SUZ12: variants seen among roughly 807,000 people sequenced by gnomAD.
SUZ12 encodes the protein polycomb protein SUZ12.
SUZ12 carries 17 observed loss-of-function variants against 87.3 expected under a neutral mutation model. The ratio of observed to expected loss-of-function variants is 0.19; its 90% CI spans 0.13 to 0.29. The LOEUF (loss-of-function observed/expected upper bound fraction) is 0.29, where lower values mean the gene tolerates loss of function less well. Among genes scored for constraint, SUZ12 ranks in the 10% least tolerant of loss-of-function variants. The pLI, the probability that SUZ12 is intolerant of heterozygous loss-of-function variation, is 1.00. For synonymous variants in SUZ12, 253 were observed against 312.4 expected (o/e 0.81, Z 2.01); for missense variants, 526 against 912.2 (o/e 0.58, Z 5.45).
At chr17:31,997,813 T>C (rs1314971047) in intron 15 of SUZ12, among the ~76,000 whole-genome samples, 2 of 152,174 alleles carry the variant, frequency 1.3e-5, no homozygotes, top group Admixed American at 6.5e-5. Flanking sequence ...TCCTGAAAAT[T>C]ACCACAGTTA....
At chr17:31,955,624 T>C (rs1907271100) in intron 4 of SUZ12, among the ~76,000 whole-genome samples, 1 of 152,120 alleles carries the variant, frequency 6.6e-6, no homozygotes, top group South Asian at 2.1e-4. Flanking sequence ...GTCGTGCACC[T>C]GTAATCCCAG....
chr17:31,979,938 A>T (rs1182762870), intron 8 of SUZ12, among the ~76,000 whole-genome samples: 1 of 151,986 alleles, frequency 6.6e-6, no homozygotes, highest in East Asian at 1.9e-4. Flanking sequence ...TTGCATTTTT[A>T]TATAAAGAAG....
At position 31,981,036 on chromosome 17, in the gene SUZ12, A is replaced by C. The variant is rs561544232; in HGVS notation, c.918-1963A>C. Among the ~76,000 whole-genome samples, 27 of 152,098 alleles carry C rather than the reference A, an allele frequency of 1.8e-4. No individual in the cohort carries two copies. The East Asian group carries it at 2.9e-3, about 16-fold the overall frequency. ...GACACAGCGACTGTCAAAAAAAAAA[A>C]CCAAAAAATCCAGTTAATTCCTTGA... On this transcript the variant is annotated intron_variant, in intron 8 of 15. Coordinates refer to ENST00000322652, the MANE Select transcript of SUZ12 (RefSeq NM_015355.4).
intron 5 of SUZ12, among the ~76,000 whole-genome samples, chr17:31,971,464 G>A (rs1056927816): frequency 9.2e-6 from 1 of 108,328 alleles, no homozygotes; most frequent in African/African-American, 3.5e-5. Context: ...TTTCGCTCTT[G>A]TTGCCCAGGC....
At chr17:31,996,925 CT>C (rs757466655) in intron 15 of SUZ12, 48 bp downstream of exon 15, 1 of 1,145,862 alleles carries the variant, frequency 8.7e-7, no homozygotes, top group Admixed American at 3.5e-5. Flanking sequence ...TCTTTATGGT[CT>C]TTTGCTGTTT....
chr17:31,968,194 CA>C (rs1389007571), intron 5 of SUZ12, among the ~76,000 whole-genome samples: 1 of 152,120 alleles, frequency 6.6e-6, no homozygotes, highest in Non-Finnish European at 1.5e-5. Flanking sequence ...ACAACCTTGC[CA>C]ATTGGCCAAT....
intron 5 of SUZ12, chr17:31,966,901 G>A (rs1018932159): frequency 6.6e-5 from 10 of 152,270 alleles, no homozygotes; most frequent in African/African-American, 2.4e-4. Context: ...GGAAAAATAC[G>A]GCCAGGCGCA....
chr17:31,980,107 T>G (rs1271973808), intron 8 of SUZ12, among the ~76,000 whole-genome samples: 1 of 151,902 alleles, frequency 6.6e-6, no homozygotes, highest in African/African-American at 2.4e-5. Flanking sequence ...GAAGACTATT[T>G]GAGCCCAGGA....
intron 4 of SUZ12, among the ~76,000 whole-genome samples, chr17:31,948,075 C>T (rs1906737542): frequency 1.3e-5 from 2 of 152,106 alleles, no homozygotes; most frequent in South Asian, 4.1e-4. Context: ...GTAAGTTATT[C>T]TCAAATATGA....
chr17:31,990,596 G>C (rs1909671272), intron 10 of SUZ12, among the ~76,000 whole-genome samples: 1 of 151,750 alleles, frequency 6.6e-6, no homozygotes, highest in Non-Finnish European at 1.5e-5. Context: ...AACTACTGAT[G>C]TCAGGAGATC....
intron 10 of SUZ12, among the ~76,000 whole-genome samples, chr17:31,990,076 T>A (rs1168325643): frequency 6.7e-6 from 1 of 148,460 alleles, no homozygotes; most frequent in Non-Finnish European, 1.5e-5. Context: ...TGCCTCAGCC[T>A]CCCGAGTAGC....
intron 3 of SUZ12, among the ~76,000 whole-genome samples, chr17:31,944,867 G>T (rs1397876098): frequency 6.6e-6 from 1 of 152,010 alleles, no homozygotes; most frequent in African/African-American, 2.4e-5. Flanking sequence ...GAGAGTTATA[G>T]GTCAGCCCTG....
Position 31,937,114 on chromosome 17 carries a change from C to CCTCTCCTCCCCT in SUZ12, c.-123_-112dup. On this transcript the variant is annotated 5_prime_UTR_variant, in exon 1 of 16. Coordinates refer to ENST00000322652, the MANE Select transcript of SUZ12 (RefSeq NM_015355.4). ...CTCCTCTCCTCCTCCCTTCCCTTCC[C>CCTCTCCTCCCCT]CTCTCCTCCCCTCTCTCCTCCTTCC... 4.1e-6 allele frequency: 3 copies of CCTCTCCTCCCCT among 739,898 alleles called. No homozygotes were observed. Among genetic ancestry groups the CCTCTCCTCCCCT allele is most frequent in the Non-Finnish European group, 5.8e-6 (3 of 513,270 alleles). 45.8% of individuals were successfully genotyped at this position (739,898 alleles called of 1,614,324 possible).
At chr17:31,972,389 A>G (rs866479226) in intron 5 of SUZ12, among the ~76,000 whole-genome samples, 115 of 144,160 alleles carry the variant, frequency 8.0e-4, no homozygotes, top group South Asian at 4.0e-3. Flanking sequence ...GTGTGTATAT[A>G]TATATATATA....
chr17:31,976,439 C>A (rs912228798), intron 7 of SUZ12, 82 bp from the exon 8 acceptor site: 55 of 1,098,120 alleles, frequency 5.0e-5, no homozygotes, highest in Non-Finnish European at 6.2e-5. Flanking sequence ...ATAAATGTAG[C>A]ATGTTTTATG....
chr17:31,987,805 G>A (rs993713271), intron 9 of SUZ12, among the ~76,000 whole-genome samples: 1 of 152,104 alleles, frequency 6.6e-6, no homozygotes, highest in African/African-American at 2.4e-5. Flanking sequence ...GGGCGTGACG[G>A]CAGGTGCCTG....
chr17:31,963,780 C>A (rs952570216), intron 4 of SUZ12: 3 of 152,284 alleles, frequency 2.0e-5, no homozygotes, highest in Non-Finnish European at 4.4e-5. Context: ...GCCTTGGCCT[C>A]CCAAAGTGCT....
At chr17:31,992,777 G>A (rs1020532128) in intron 10 of SUZ12, among the ~76,000 whole-genome samples, 21 of 149,084 alleles carry the variant, frequency 1.4e-4, no homozygotes, top group African/African-American at 5.0e-4. Flanking sequence ...GTGTGGTCTT[G>A]GCTCACTGCA....
intron 13 of SUZ12, 50 bp downstream of exon 13, chr17:31,994,771 T>G (rs1428432991): frequency 9.5e-6 from 15 of 1,574,728 alleles, no homozygotes; most frequent in Non-Finnish European, 1.3e-5. Flanking sequence ...TTTTTACTGA[T>G]GTTGGAGGAA....
Sources: allele counts gnomAD v4.1 joint callset (sites outside exome capture counted in the v4.1 genomes callset), GRCh38; gene constraint gnomAD v4.1.1; transcripts MANE v1.5; gene names NCBI Gene and HGNC (gene_info 2026-07-23, HGNC 2026-07-21).